MRC2: variants seen among roughly 807,000 people sequenced by gnomAD.
MRC2 encodes the protein mannose receptor C-type 2.
Under a neutral mutation model 206.2 loss-of-function variants are expected in MRC2, and 84 were observed. The ratio of observed to expected loss-of-function variants is 0.41; its 90% CI spans 0.34 to 0.49. MRC2 has a LOEUF of 0.49. Among genes scored for constraint, MRC2 ranks in the 20% least tolerant of loss-of-function variants. The probability of loss-of-function intolerance (pLI) is 0.31; values close to 1 mark genes in which losing one functional copy is unlikely to be tolerated. For synonymous variants in MRC2, 798 were observed against 800.0 expected (o/e 1.00, Z 0.04); for missense variants, 1,676 against 2,001.5 (o/e 0.84, Z 3.10).
intron 1 of MRC2, among the ~76,000 whole-genome samples, chr17:62,662,321 C>G (rs2465459): frequency 0.61 from 91,840 of 151,774 alleles, 27,988 homozygotes; most frequent in East Asian, 0.82. Context: ...AGATCAGCAT[C>G]GGGGAAGAGA....
chr17:62,680,004 G>A lies in MRC2; in HGVS notation c.2298+102G>A. 2.1e-6 allele frequency: 3 copies of A among 1,462,232 alleles called. No individual in the cohort carries two copies. Among genetic ancestry groups the A allele is most frequent in the Non-Finnish European group, 1.8e-6 (2 of 1,083,640 alleles). The allele number at this position is 1,462,232 out of a possible 1,614,324, so 90.6% of individuals were successfully genotyped here. ...GGTGGGCGGGTTTTCTTGAGGGCCG[G>A]GCCCCCAGTCGGAGCCGGCTTCAGG... On this transcript the variant is annotated intron_variant, in intron 14 of 29. Transcript: ENST00000303375. The surrounding 1 kb of genome is among the most constrained non-coding windows in gnomAD (Gnocchi z 4.8).
chr17:62,684,025 T>A lies in MRC2; in HGVS notation c.2946+1648T>A, dbSNP rs968556537. On this transcript the variant is annotated intron_variant, in intron 20 of 29. Coordinates refer to ENST00000303375, the MANE Select transcript of MRC2 (RefSeq NM_006039.5). ...CCATATTTTGCGTAGTTCATGAAAGTTGAAGGTTGTTCAACAAAAAAATTG... is the reference window on the plus strand; with the variant it reads ...CCATATTTTGCGTAGTTCATGAAAGATGAAGGTTGTTCAACAAAAAAATTG... 6.6e-5 allele frequency: 10 copies of A among 152,202 alleles called. 1 individual carries two copies. The highest frequency in any genetic ancestry group is 2.4e-4 in the African/African-American group (10 of 41,450). The allele number at this position is 152,202 out of a possible 1,614,324, so 9.4% of individuals were successfully genotyped here.
chr17:62,642,834 G>A (rs751346992), intron 1 of MRC2, among the ~76,000 whole-genome samples: 31 of 152,084 alleles, frequency 2.0e-4, no homozygotes, highest in Non-Finnish European at 4.1e-4. Context: ...ATTCATAATA[G>A]CCAAAAACTA....
At chr17:62,650,525 C>T (rs867057647) in intron 1 of MRC2, among the ~76,000 whole-genome samples, 6 of 152,310 alleles carry the variant, frequency 3.9e-5, no homozygotes, top group South Asian at 2.1e-4. Flanking sequence ...AGCTGGAGTC[C>T]GCTCTGGAAT....
At chr17:62,665,397 T>C (rs1327981290) in intron 2 of MRC2, among the ~76,000 whole-genome samples, 6 of 104,060 alleles carry the variant, frequency 5.8e-5, no homozygotes, top group Non-Finnish European at 9.8e-5. Context: ...AGAGCAAGAC[T>C]CTGTCCCCCC....
chr17:62,676,592 C>T, intron 11 of MRC2, 61 bp downstream of exon 11: 1 of 1,522,478 alleles, frequency 6.6e-7, no homozygotes, highest in Non-Finnish European at 8.8e-7. Context: ...TGGACTGGCC[C>T]TGCCAGCACC....
rs1455144437 is a variant in MRC2 at position 62,691,093 on chromosome 17, A to G, written c.4157A>G (p.Asn1386Ser). 3 of 1,609,694 alleles carry G rather than the reference A, an allele frequency of 1.9e-6. No homozygotes were observed. Among genetic ancestry groups the G allele is most frequent in the Admixed American group, 1.7e-5 (1 of 59,360 alleles). ...SGLWRPGACT[N>S]ITMGVVCKLP... The stretch of plus-strand genomic sequence containing the variant: ...CTATGGCGCCCCGGCGCTTGCACCA[A>G]CATCACCATGGGTGTCGTCTGCAAG... Residue 1386 changes from asparagine to serine, a missense_variant, in exon 28 of 30, where the codon AAC (asparagine) becomes AGC (serine). By Grantham distance (46) the Asn-to-Ser change is conservative. Around this residue, in one of 3 missense-constraint regions of MRC2, gnomAD observed 1,354 missense variants for 1,636.6 expected, o/e 0.83. Transcript: ENST00000303375.
At position 62,689,291 on chromosome 17, in the gene MRC2, G is replaced by A. The variant is rs145116365; in HGVS notation, c.3335-231G>A. ...TCCATGCGTAGGTGGCCTCTGCGCC[G>A]GGTTCCTTGGGTAGGAGGAGGTCAA... On this transcript the variant is annotated intron_variant, in intron 23 of 29. Transcript: ENST00000303375. 2.1e-4 allele frequency: 122 copies of A among 577,946 alleles called. 1 individual carries two copies. Among genetic ancestry groups the A allele is most frequent in the Non-Finnish European group, 3.2e-4 (106 of 326,450 alleles). The allele number at this position is 577,946 out of a possible 1,614,324, so 35.8% of individuals were successfully genotyped here.
intron 1 of MRC2, among the ~76,000 whole-genome samples, chr17:62,638,273 TAC>T (rs2088351944): frequency 6.6e-6 from 1 of 152,164 alleles, no homozygotes; most frequent in Admixed American, 6.5e-5. Context: ...TCTAGAATTT[TAC>T]ATGATGCCAC....
At chr17:62,655,529 G>C (rs958812718) in intron 1 of MRC2, among the ~76,000 whole-genome samples, 5 of 151,588 alleles carry the variant, frequency 3.3e-5, no homozygotes, top group African/African-American at 1.2e-4. Context: ...GCAACAGAGC[G>C]AGACTCCATC....
chr17:62,660,141 AG>A (rs1314776781), intron 1 of MRC2, among the ~76,000 whole-genome samples: 3 of 152,220 alleles, frequency 2.0e-5, no homozygotes, highest in African/African-American at 7.2e-5. Context: ...GGCAATGAAC[AG>A]CAATTAAAAC....
At chr17:62,691,771 CAAAA>C (rs549279909) in intron 28 of MRC2, among the ~76,000 whole-genome samples, 1 of 65,928 alleles carries the variant, frequency 1.5e-5, no homozygotes, top group African/African-American at 6.0e-5. Flanking sequence ...ACCCTGTCTC[CAAAA>C]AAAAAAAAAA....
chr17:62,681,018 G>A, intron 17 of MRC2, 44 bp from the exon 18 acceptor site: 4 of 1,612,700 alleles, frequency 2.5e-6, no homozygotes, highest in Non-Finnish European at 3.4e-6. Flanking sequence ...CCGGGATGAG[G>A]GCAGGGGGCT....
At position 62,672,553 on chromosome 17, in the gene MRC2, C is replaced by G. The variant is rs1489004036; in HGVS notation, c.1461+401C>G. Among the ~76,000 whole-genome samples the G allele has an allele frequency of 6.6e-6, 1 of 152,200 alleles. No homozygotes were observed. The highest frequency in any genetic ancestry group is 1.9e-4 in the East Asian group (1 of 5,194). Reference sequence around the variant, plus strand: ...CAGGGCTGCACTCTGCCAGCCCTCGCCCCCAGTGCTCTACCCAGTCCAGGG... The same window carrying G: ...CAGGGCTGCACTCTGCCAGCCCTCGGCCCCAGTGCTCTACCCAGTCCAGGG... On this transcript the variant is annotated intron_variant, in intron 8 of 29. Coordinates refer to ENST00000303375, the MANE Select transcript of MRC2 (RefSeq NM_006039.5). The surrounding 1 kb of genome is among the most constrained non-coding windows in gnomAD (Gnocchi z 4.5).
rs527795705 is a variant in MRC2, at chr17:62,683,808, T to A, written c.2946+1431T>A. ...TGAACCCAGGAGGTAGAGGCTTCAA[T>A]GAGCCATGGTCATGCCACTGTATAC... On this transcript the variant is annotated intron_variant, in intron 20 of 29. Coordinates refer to ENST00000303375, the MANE Select transcript of MRC2 (RefSeq NM_006039.5). The A allele has an allele frequency of 3.3e-5, 5 of 151,586 alleles. 1 individual carries two copies. The East Asian group carries it at 9.7e-4, about 29-fold the overall frequency. 9.4% of individuals were successfully genotyped at this position (151,586 alleles called of 1,614,324 possible). A position where few individuals can be genotyped will look rare whatever the true frequency, so the allele number is the denominator to read the frequency against.
intron 1 of MRC2, among the ~76,000 whole-genome samples, chr17:62,656,254 C>T (rs2088618421): frequency 6.6e-6 from 1 of 152,090 alleles, no homozygotes; most frequent in Admixed American, 6.6e-5. Context: ...ACCATGTTGG[C>T]CAGGCTGGTC....
chr17:62,643,508 C>T (rs989606194), intron 1 of MRC2, among the ~76,000 whole-genome samples: 2 of 152,048 alleles, frequency 1.3e-5, no homozygotes, highest in Non-Finnish European at 2.9e-5. Context: ...GGGAAGGGAT[C>T]TGTAACAAAC....
At chr17:62,631,754 C>T (rs1350195107) in intron 1 of MRC2, among the ~76,000 whole-genome samples, 1 of 152,040 alleles carries the variant, frequency 6.6e-6, no homozygotes, top group Non-Finnish European at 1.5e-5. Context: ...TGAGGGACCC[C>T]CTCCAAGAAG....
rs1162136039 is a variant in MRC2 at position 62,690,265 on chromosome 17, G to A, written c.3852G>A (p.Leu1284=). 1 of 1,612,958 alleles carries A rather than the reference G, an allele frequency of 6.2e-7. No individual in the cohort carries two copies. Among genetic ancestry groups the A allele is most frequent in the South Asian group, 1.1e-5 (1 of 91,060 alleles). Residue 1284 remains leucine, a synonymous_variant, in exon 26 of 30, where the codon CTG becomes CTA. Transcript: ENST00000303375. ...REHCYSFHME[L]LLGHKEARQR... Reference sequence around the variant, plus strand: ...ACTGCTATTCTTTCCACATGGAGCTGCTGCTGGGCCACAAGGAGGCGCGAC... The same window carrying A: ...ACTGCTATTCTTTCCACATGGAGCTACTGCTGGGCCACAAGGAGGCGCGAC...
Sources: allele counts gnomAD v4.1 joint callset (sites outside exome capture counted in the v4.1 genomes callset), GRCh38; gene constraint gnomAD v4.1.1; regional missense constraint gnomAD v4.1.1; non-coding constraint Gnocchi (gnomAD v3.1); transcripts MANE v1.5; gene names NCBI Gene and HGNC (gene_info 2026-07-23, HGNC 2026-07-21).